The following MTHFD1 variants were observed in gnomAD, a reference collection of about 807,000 sequenced individuals.
MTHFD1 encodes C-1-tetrahydrofolate synthase, cytoplasmic.
In MTHFD1, 44 loss-of-function variants were observed where a neutral mutation model predicts 110.3. That is an observed-to-expected ratio of 0.40 (90% CI 0.31 to 0.51). MTHFD1 has a LOEUF of 0.51. Among genes scored for constraint, MTHFD1 ranks in the 20% least tolerant of loss-of-function variants. MTHFD1 has a pLI of 0.60. For missense variants in MTHFD1, 909 were observed against 1,173.1 expected (o/e 0.77, Z 3.29); for synonymous variants, 402 against 428.8 (o/e 0.94, Z 0.77).
At position 64,442,278 on chromosome 14, in the gene MTHFD1, T is replaced by A. The variant is rs1305483206; in HGVS notation, c.2012T>A (p.Phe671Tyr). Reference sequence around the variant, plus strand: ...CTCTTTACAGTGACGGAAGCAGGATTTGGAGCAGACATTGGAATGGAAAAG... The same window carrying A: ...CTCTTTACAGTGACGGAAGCAGGATATGGAGCAGACATTGGAATGGAAAAG... ...PEGFVVTEAGFGADIGMEKFF... is the reference protein window; with the variant it reads ...PEGFVVTEAGYGADIGMEKFF... Residue 671 changes from phenylalanine (F) to tyrosine (Y), a missense_variant, in exon 21 of 28, where the codon TTT becomes TAT. Phe to Tyr is a conservative substitution (Grantham distance 22). Around this residue, in one of 3 missense-constraint regions of MTHFD1, gnomAD observed 482 missense variants for 646.0 expected, o/e 0.75. Coordinates refer to ENST00000652337, the MANE Select transcript of MTHFD1 (RefSeq NM_005956.4). 1.9e-6 allele frequency: 3 copies of A among 1,614,264 alleles called. No individual in the cohort carries two copies. The highest frequency in any genetic ancestry group is 1.7e-6 in the Non-Finnish European group (2 of 1,180,042).
At chr14:64,458,939 G>C (rs2078519552) in intron 27 of MTHFD1, among the ~76,000 whole-genome samples, 1 of 152,174 alleles carries the variant, frequency 6.6e-6, no homozygotes, top group Non-Finnish European at 1.5e-5. Context: ...ACATCCTGTT[G>C]AAACTGCAAA....
rs747212895 is a variant in MTHFD1, at chr14:64,415,708, T to G, written c.447T>G (p.Pro149=). The change falls in exon 6 of 28, where the codon CCT becomes CCG. Residue 149 remains proline (P), a synonymous_variant. Transcript: ENST00000652337. ...ATGACTGTTTCATTCCTTGTACGCC[T>G]AAGGGATGCTTGGAACTCATCAAAG... The part of the protein sequence containing the change: ...DLNDCFIPCT[P]KGCLELIKET... 1 of 1,613,976 alleles carries G rather than the reference T, an allele frequency of 6.2e-7. No homozygotes were observed. Among genetic ancestry groups the G allele is most frequent in the East Asian group, 2.2e-5 (1 of 44,870 alleles).
chr14:64,450,934 G>A lies in MTHFD1; in HGVS notation c.2457+1312G>A, dbSNP rs140684331. 9.4e-3 allele frequency among the ~76,000 whole-genome samples: 1,428 copies of A among 152,160 alleles called. 67 individuals are homozygous for A. In the East Asian group the frequency reaches 0.16, roughly 17 times the overall value. On this transcript the variant is annotated intron_variant, in intron 24 of 27. Coordinates refer to ENST00000652337, the MANE Select transcript of MTHFD1 (RefSeq NM_005956.4). Reference sequence around the variant, plus strand: ...TGTAACCCCAGCACTTTGGGAGGCCGAGGTGGGTGGATCACCTAAGGTCAA... The same window carrying A: ...TGTAACCCCAGCACTTTGGGAGGCCAAGGTGGGTGGATCACCTAAGGTCAA...
At chr14:64,439,031 C>A in intron 16 of MTHFD1, 65 bp from the exon 17 acceptor site, 1 of 1,160,684 alleles carries the variant, frequency 8.6e-7, no homozygotes, top group Non-Finnish European at 1.3e-6. Flanking sequence ...TAAAACTCTG[C>A]TGCTTCCTTT....
chr14:64,459,246 C>T (rs574846690), intron 27 of MTHFD1, among the ~76,000 whole-genome samples: 34 of 152,234 alleles, frequency 2.2e-4, no homozygotes, highest in African/African-American at 4.1e-4. Flanking sequence ...AAAAGGAAGA[C>T]GTGAGTTTTG....
chr14:64,449,543 A>T lies in MTHFD1; in HGVS notation c.2378A>T (p.Lys793Met). The change falls in exon 24 of 28, where the codon AAG becomes ATG. Residue 793 changes from lysine to methionine, a missense_variant. Around this residue, in one of 3 missense-constraint regions of MTHFD1, gnomAD observed 482 missense variants for 646.0 expected, o/e 0.75. Transcript: ENST00000652337. ...VKCTHWAEGGKGALALAQAVQ... is the reference protein window; with the variant it reads ...VKCTHWAEGGMGALALAQAVQ... ...TGCACTCACTGGGCAGAAGGGGGCA[A>T]GGGTGCCTTAGCCCTGGCTCAGGCC... The T allele has an allele frequency of 6.2e-7, 1 of 1,614,172 alleles. No individual in the cohort carries two copies. Among genetic ancestry groups the T allele is most frequent in the Non-Finnish European group, 8.5e-7 (1 of 1,180,010 alleles).
At chr14:64,421,149 G>T (rs963884274) in intron 8 of MTHFD1, among the ~76,000 whole-genome samples, 1 of 151,970 alleles carries the variant, frequency 6.6e-6, no homozygotes, top group African/African-American at 2.4e-5. Context: ...CTTATCAAGG[G>T]ATGATCTTTC....
At chr14:64,432,472 TC>T (rs2078167588) in intron 15 of MTHFD1, among the ~76,000 whole-genome samples, 1 of 152,240 alleles carries the variant, frequency 6.6e-6, no homozygotes, top group Non-Finnish European at 1.5e-5. Flanking sequence ...TGGGAACTAA[TC>T]TAAATGTCTT....
chr14:64,439,455 T>C (rs970278898), intron 17 of MTHFD1: 3 of 478,774 alleles, frequency 6.3e-6, no homozygotes, highest in African/African-American at 5.9e-5. Flanking sequence ...TGCTTCTTTT[T>C]TGTGGCCATT....
chr14:64,428,102 GTTTTTTTTTTTT>G (rs11289659), intron 12 of MTHFD1, among the ~76,000 whole-genome samples: 1 of 74,686 alleles, frequency 1.3e-5, no homozygotes, highest in African/African-American at 5.0e-5. Flanking sequence ...AAGAACATGT[GTTTTTTTTTTTT>G]TTTTTTTTTT....
In MTHFD1 at chr14:64,399,770, T is replaced by TTTTTA. The variant is rs562867350; in HGVS notation, c.42-1003_42-999dup. ...ACCAGATAATGTCCATTCAGTGGTG[T>TTTTTA]TTTTATTTTATTTTATTTTATTTTG... On this transcript the variant is annotated intron_variant, in intron 1 of 27. Coordinates refer to ENST00000652337, the MANE Select transcript of MTHFD1 (RefSeq NM_005956.4). Among the ~76,000 whole-genome samples, 113 of 151,974 alleles carry TTTTTA rather than the reference T, an allele frequency of 7.4e-4. No homozygotes were observed. The South Asian group carries it at 0.011, about 15-fold the overall frequency.
intron 2 of MTHFD1, among the ~76,000 whole-genome samples, chr14:64,401,731 T>G (rs1159276643): frequency 1.3e-5 from 2 of 152,046 alleles, no homozygotes; most frequent in Non-Finnish European, 2.9e-5. Flanking sequence ...TTAGGAAGTT[T>G]TAAAAATGTT....
intron 24 of MTHFD1, among the ~76,000 whole-genome samples, chr14:64,452,558 G>C (rs2078391606): frequency 6.6e-6 from 1 of 152,244 alleles, no homozygotes; most frequent in Non-Finnish European, 1.5e-5. Context: ...GCCCTCACCA[G>C]TTAGACCACT....
At chr14:64,418,495 A>T (rs1444898790) in intron 7 of MTHFD1, among the ~76,000 whole-genome samples, 2 of 151,402 alleles carry the variant, frequency 1.3e-5, no homozygotes, top group Non-Finnish European at 3.0e-5. Context: ...ATAAAATTAA[A>T]AGCATGCTGA....
At chr14:64,411,692 G>A (rs1466913516) in intron 3 of MTHFD1, among the ~76,000 whole-genome samples, 1 of 152,170 alleles carries the variant, frequency 6.6e-6, no homozygotes, top group African/African-American at 2.4e-5. Context: ...CTGAGGTCGG[G>A]AGTTTTAGAC....
chr14:64,443,602 A>G (rs1379499244), intron 21 of MTHFD1, among the ~76,000 whole-genome samples: 2 of 152,170 alleles, frequency 1.3e-5, no homozygotes, highest in Admixed American at 1.3e-4. Context: ...TGCTGCCATA[A>G]CAACCCCAGC....
chr14:64,423,416 T>G (rs2078090696), intron 8 of MTHFD1, among the ~76,000 whole-genome samples: 1 of 152,098 alleles, frequency 6.6e-6, no homozygotes, highest in African/African-American at 2.4e-5. Context: ...GAACTAACTT[T>G]TTTTTTTGAG....
In MTHFD1 at chr14:64,449,475, C is replaced by T; in HGVS notation, c.2310C>T (p.Ile770=). The T allele has an allele frequency of 6.2e-7, 1 of 1,613,868 alleles. No individual in the cohort carries two copies. The highest frequency in any genetic ancestry group is 8.5e-7 in the Non-Finnish European group (1 of 1,180,048). ...KTDTESELDL[I]SRLSREHGAF... ...ATACAGAGTCTGAGCTGGACCTCATCAGCCGCCTTTCCAGAGAACATGGGG... is the reference window on the plus strand; with the variant it reads ...ATACAGAGTCTGAGCTGGACCTCATTAGCCGCCTTTCCAGAGAACATGGGG... Residue 770 remains isoleucine, a synonymous_variant, in exon 24 of 28, where the codon ATC becomes ATT. Coordinates refer to ENST00000652337, the MANE Select transcript of MTHFD1 (RefSeq NM_005956.4).
In MTHFD1 at chr14:64,444,852, G is replaced by A. The variant is rs201822733; in HGVS notation, c.2178+118G>A. 1.1e-5 allele frequency: 11 copies of A among 1,040,648 alleles called. No homozygotes were observed. The East Asian group carries it at 2.6e-4, about 25-fold the overall frequency. The allele number at this position is 1,040,648 out of a possible 1,614,324, so 64.5% of individuals were successfully genotyped here. ...ATTGCTGTGACCCAGGGTGCAGGGTGCCAAAAGGCCTGCAGTGTGCTGAGG... is the reference window on the plus strand; with the variant it reads ...ATTGCTGTGACCCAGGGTGCAGGGTACCAAAAGGCCTGCAGTGTGCTGAGG... On this transcript the variant is annotated intron_variant, in intron 22 of 27. Transcript: ENST00000652337.
Sources: allele counts gnomAD v4.1 joint callset (sites outside exome capture counted in the v4.1 genomes callset), GRCh38; gene constraint gnomAD v4.1.1; regional missense constraint gnomAD v4.1.1; transcripts MANE v1.5; gene names NCBI Gene and HGNC (gene_info 2026-07-23, HGNC 2026-07-21).